Variants in RBMS1 observed in about 807,000 individuals in gnomAD.
The protein encoded by RBMS1 is RNA-binding motif, single-stranded-interacting protein 1.
Under a neutral mutation model 62.3 loss-of-function variants are expected in RBMS1, and 17 were observed. The observed-to-expected ratio is 0.27, with a 90% CI of 0.19 to 0.41. RBMS1 has a LOEUF of 0.41. Ranked by LOEUF, RBMS1 falls within the 10% of genes least tolerant of loss-of-function variation. The pLI is 1.00. For synonymous variants in RBMS1, 172 were observed against 170.0 expected (o/e 1.01, Z -0.09); for missense variants, 334 against 504.5 (o/e 0.66, Z 3.24).
At chr2:160,451,973 T>C (rs1684011703) in intron 1 of RBMS1, among the ~76,000 whole-genome samples, 1 of 152,166 alleles carries the variant, frequency 6.6e-6, no homozygotes, top group African/African-American at 2.4e-5. Flanking sequence ...TTTCAAATTA[T>C]AAAATCTTAT....
chr2:160,444,052 A>G (rs1194872703), intron 1 of RBMS1, among the ~76,000 whole-genome samples: 2 of 152,202 alleles, frequency 1.3e-5, no homozygotes, highest in Non-Finnish European at 2.9e-5. Flanking sequence ...AGATTGCTGG[A>G]TTTCTTGTTA....
At chr2:160,425,233 A>G (rs796814738) in intron 1 of RBMS1, among the ~76,000 whole-genome samples, 69 of 152,344 alleles carry the variant, frequency 4.5e-4, no homozygotes, top group African/African-American at 1.6e-3. Context: ...GCCTCTGTAA[A>G]TAAATAATTT....
chr2:160,406,762 C>A (rs1029335264), intron 1 of RBMS1, among the ~76,000 whole-genome samples: 2 of 152,208 alleles, frequency 1.3e-5, no homozygotes, highest in Non-Finnish European at 2.9e-5. Flanking sequence ...CAGCTCCATT[C>A]CTTTTCCCAG....
chr2:160,306,783 A>AC (rs1286132636), intron 4 of RBMS1, among the ~76,000 whole-genome samples: 1 of 151,882 alleles, frequency 6.6e-6, no homozygotes, highest in East Asian at 1.9e-4. Flanking sequence ...CATTCTTATA[A>AC]CCACACATTC....
In RBMS1 at chr2:160,493,710, C is replaced by T; in HGVS notation, c.-347G>A. ...CTGCCAAGGGCTGGCGCGCTGGCCGCGGTCCGCTCGGGCGAGCCGGCTGCG... is the reference window on the plus strand; with the variant it reads ...CTGCCAAGGGCTGGCGCGCTGGCCGTGGTCCGCTCGGGCGAGCCGGCTGCG... On this transcript the variant is annotated 5_prime_UTR_variant, in exon 1 of 14. Transcript: ENST00000348849. 5.5e-6 allele frequency: 2 copies of T among 366,094 alleles called. No homozygotes were observed. The highest frequency in any genetic ancestry group is 2.9e-5 in the South Asian group (1 of 33,900). The allele number at this position is 366,094 out of a possible 1,614,324, so 22.7% of individuals were successfully genotyped here.
Position 160,284,883 on chromosome 2 carries a change from A to G in RBMS1, c.807-15T>C. Reference sequence around the variant, plus strand: ...AAGGATAAAATCTAGAACAAACACAAAAGCCTTTATTAAGTAATCCTTTAA... The same window carrying G: ...AAGGATAAAATCTAGAACAAACACAGAAGCCTTTATTAAGTAATCCTTTAA... On this transcript the variant is annotated splice_polypyrimidine_tract_variant and intron_variant, in intron 8 of 13. Coordinates refer to ENST00000348849, the MANE Select transcript of RBMS1 (RefSeq NM_016836.4). 6.3e-7 allele frequency: 1 copy of G among 1,583,504 alleles called. No homozygotes were observed. The highest frequency in any genetic ancestry group is 8.7e-7 in the Non-Finnish European group (1 of 1,153,942).
At chr2:160,330,334 G>A (rs933965460) in intron 2 of RBMS1, among the ~76,000 whole-genome samples, 8 of 152,142 alleles carry the variant, frequency 5.3e-5, no homozygotes, top group African/African-American at 1.7e-4. Flanking sequence ...ATATAGCTCT[G>A]TTCTTGGCCA....
chr2:160,275,788 AATC>A, intron 12 of RBMS1, 74 bp from the exon 13 acceptor site: 1 of 1,597,380 alleles, frequency 6.3e-7, no homozygotes, highest in Non-Finnish European at 8.6e-7. Flanking sequence ...GGCCTGACTG[AATC>A]CAACAGTGCC....
chr2:160,493,505 C>G lies in RBMS1; in HGVS notation c.-142G>C. The G allele has an allele frequency of 1.5e-6, 1 of 683,504 alleles. No individual in the cohort carries two copies. Among genetic ancestry groups the G allele is most frequent in the South Asian group, 1.6e-5 (1 of 62,140 alleles). The allele number at this position is 683,504 out of a possible 1,614,324, so 42.3% of individuals were successfully genotyped here. ...GCTGCTGCTGCCGCTGCTCCACCTC[C>G]CAGCCGGGACCAGACGTCCTCCTCC... is the stretch of plus-strand genomic sequence containing the variant. On this transcript the variant is annotated 5_prime_UTR_variant, in exon 1 of 14. Coordinates refer to ENST00000348849, the MANE Select transcript of RBMS1 (RefSeq NM_016836.4).
intron 6 of RBMS1, among the ~76,000 whole-genome samples, chr2:160,300,201 T>C (rs923335944): frequency 6.6e-6 from 1 of 152,254 alleles, no homozygotes; most frequent in South Asian, 2.1e-4. Context: ...GAAAAACCCA[T>C]GAAGTGTGGT....
chr2:160,355,776 A>T (rs1412988867), intron 2 of RBMS1, among the ~76,000 whole-genome samples: 3 of 152,062 alleles, frequency 2.0e-5, no homozygotes, highest in African/African-American at 7.2e-5. Context: ...CATCACATGC[A>T]ATCACTCCCT....
intron 4 of RBMS1, among the ~76,000 whole-genome samples, chr2:160,311,419 C>T (rs1689908980): frequency 6.6e-6 from 1 of 151,676 alleles, no homozygotes; most frequent in Admixed American, 6.6e-5. Flanking sequence ...ATTCAAAGTA[C>T]ATCTCTACCC....
intron 1 of RBMS1, among the ~76,000 whole-genome samples, chr2:160,474,273 A>G (rs1173785716): frequency 1.3e-5 from 2 of 152,228 alleles, no homozygotes; most frequent in African/African-American, 4.8e-5. Flanking sequence ...GAAACAAAAT[A>G]ACAGCATCTT....
At chr2:160,282,437 G>C (rs1688151545) in intron 9 of RBMS1, 1 of 674,254 alleles carries the variant, frequency 1.5e-6, no homozygotes, top group Non-Finnish European at 2.5e-6. Flanking sequence ...AGCTTATGGT[G>C]GTTTAGTGGA....
At chr2:160,331,296 C>CT (rs1691257820) in intron 2 of RBMS1, among the ~76,000 whole-genome samples, 1 of 152,166 alleles carries the variant, frequency 6.6e-6, no homozygotes, top group Admixed American at 6.5e-5. Context: ...ATTTCCTGCC[C>CT]TTTAAGATTT....
intron 1 of RBMS1, among the ~76,000 whole-genome samples, chr2:160,379,415 C>G (rs1211416131): frequency 6.6e-6 from 1 of 152,144 alleles, no homozygotes; most frequent in Non-Finnish European, 1.5e-5. Flanking sequence ...CTGAGACTTT[C>G]CTCTGTTTTA....
rs60611251 is a variant in RBMS1, at chr2:160,386,540, CAA to C, written c.76-19151_76-19150del. Among the ~76,000 whole-genome samples, 594 of 138,282 alleles carry C rather than the reference CAA, an allele frequency of 4.3e-3. 8 individuals are homozygous for C. Among genetic ancestry groups the C allele is most frequent in the East Asian group, 0.035 (167 of 4,816 alleles). 90.7% of individuals were successfully genotyped at this position (138,282 alleles called of 152,430 possible). A position where few individuals can be genotyped will look rare whatever the true frequency, so the allele number is the denominator to read the frequency against. On this transcript the variant is annotated intron_variant, in intron 1 of 13. Transcript: ENST00000348849. ...TGGGAGACAGAGTGAGACTCCATCTCAAAAAAAAAAAAAAAGATGTGGCCTTT... is the reference window on the plus strand; with the variant it reads ...TGGGAGACAGAGTGAGACTCCATCTCAAAAAAAAAAAAAGATGTGGCCTTT...
intron 6 of RBMS1, among the ~76,000 whole-genome samples, chr2:160,295,792 G>T (rs1280688587): frequency 6.6e-6 from 1 of 152,212 alleles, no homozygotes; most frequent in Non-Finnish European, 1.5e-5. Flanking sequence ...TCAAGGAACT[G>T]AAGAGCTTTT....
intron 3 of RBMS1, among the ~76,000 whole-genome samples, chr2:160,316,707 A>T (rs1437773077): frequency 6.6e-6 from 1 of 152,036 alleles, no homozygotes; most frequent in Non-Finnish European, 1.5e-5. Flanking sequence ...CTTTTACTTA[A>T]ATTAGGGCAG....
Sources: allele counts gnomAD v4.1 joint callset (sites outside exome capture counted in the v4.1 genomes callset), GRCh38; gene constraint gnomAD v4.1.1; transcripts MANE v1.5; gene names NCBI Gene and HGNC (gene_info 2026-07-23, HGNC 2026-07-21).